Variants in LUZP1 observed in about 807,000 individuals in gnomAD.
LUZP1 encodes the protein leucine zipper protein 1, also known as filamin mechanobinding actin cross-linking protein.
LUZP1 carries 25 observed loss-of-function variants against 71.3 expected under a neutral mutation model. That is an observed-to-expected ratio of 0.35 (90% CI 0.26 to 0.49). LUZP1 has a LOEUF of 0.49. Ranked by LOEUF, LUZP1 falls within the 20% of genes least tolerant of loss-of-function variation. The pLI, the probability that LUZP1 is intolerant of heterozygous loss-of-function variation, is 0.99. For missense variants in LUZP1, 1,142 were observed against 1,300.8 expected, an observed-to-expected ratio of 0.88 and a Z score of 1.88; for synonymous variants, 481 against 506.4, an observed-to-expected ratio of 0.95 and a Z score of 0.67.
At chr1:23,130,937 G>A (rs1644210312) in intron 2 of LUZP1, among the ~76,000 whole-genome samples, 1 of 152,022 alleles carries the variant, frequency 6.6e-6, no homozygotes, top group African/African-American at 2.4e-5. Context: ...CTACCTGGGG[G>A]TTGGGCACAG....
chr1:23,085,279 C>CT (rs1401377973), exon 5 of LUZP1: 2 of 152,598 alleles, frequency 1.3e-5, no homozygotes, highest in Non-Finnish European at 2.9e-5. Flanking sequence ...TTGAGGGCTA[C>CT]TTTCTTAGCC....
At chr1:23,128,690 A>G (rs1427260278) in intron 2 of LUZP1, among the ~76,000 whole-genome samples, 5 of 152,366 alleles carry the variant, frequency 3.3e-5, no homozygotes, top group Admixed American at 1.3e-4. Context: ...TGGCACTATT[A>G]AGTCTCCAAT....
intron 2 of LUZP1, among the ~76,000 whole-genome samples, chr1:23,133,917 A>T (rs1490596660): frequency 1.3e-5 from 2 of 152,298 alleles, no homozygotes; most frequent in East Asian, 1.9e-4. Flanking sequence ...ACAAGAAAAC[A>T]ATCAGACAAA....
At chr1:23,107,609 T>A (rs370551874) in intron 3 of LUZP1, among the ~76,000 whole-genome samples, 2 of 152,172 alleles carry the variant, frequency 1.3e-5, no homozygotes, top group African/African-American at 4.8e-5. Context: ...AAGACCAGCC[T>A]GGCCAACATG....
chr1:23,163,188 C>T (rs1301793562), intron 2 of LUZP1, among the ~76,000 whole-genome samples: 1 of 142,768 alleles, frequency 7.0e-6, no homozygotes, highest in East Asian at 2.1e-4. Context: ...TGCAATGAGC[C>T]GAGATCACAC....
Position 23,092,152 on chromosome 1 carries a change from G to T in LUZP1, c.2110C>A (p.Leu704Ile), listed in dbSNP as rs746949709. The change falls in exon 4 of 5, where the codon CTA becomes ATA. Residue 704 changes from leucine to isoleucine, a missense_variant. Physicochemically the swap from Leu to Ile is conservative, Grantham distance 5 (BLOSUM62 2). Transcript: ENST00000302291. Reference sequence around the variant, plus strand: ...CCAGCATCTTTATCATTCTCAAATAGGGAGGTTCTAGGTGCCCCTCGGGTT... The same window carrying T: ...CCAGCATCTTTATCATTCTCAAATATGGAGGTTCTAGGTGCCCCTCGGGTT... 5.0e-6 allele frequency: 8 copies of T among 1,614,008 alleles called. No individual in the cohort carries two copies. Among genetic ancestry groups the T allele is most frequent in the Admixed American group, 1.7e-5 (1 of 59,994 alleles).
At chr1:23,098,941 C>T (rs574770885) in intron 3 of LUZP1, among the ~76,000 whole-genome samples, 2 of 152,324 alleles carry the variant, frequency 1.3e-5, no homozygotes, top group South Asian at 4.1e-4. Context: ...AAAACACCAA[C>T]GCTTGAAGGT....
intron 2 of LUZP1, among the ~76,000 whole-genome samples, chr1:23,127,796 T>G (rs1644183801): frequency 6.6e-6 from 1 of 152,120 alleles, no homozygotes; most frequent in Admixed American, 6.5e-5. Flanking sequence ...ATGCTGGAAT[T>G]ACAGGCGTGA....
chr1:23,098,635 C>T (rs535691317), intron 3 of LUZP1, among the ~76,000 whole-genome samples: 79 of 152,156 alleles, frequency 5.2e-4, no homozygotes, highest in African/African-American at 1.8e-3. Context: ...TGACTCAGGG[C>T]GTCGACAGAC....
chr1:23,141,661 T>A (rs1644304082), intron 2 of LUZP1, among the ~76,000 whole-genome samples: 1 of 152,036 alleles, frequency 6.6e-6, no homozygotes, highest in African/African-American at 2.4e-5. Flanking sequence ...TAACATAAAA[T>A]CATCTTGAAG....
At chr1:23,150,516 T>A (rs1364551544) in intron 2 of LUZP1, among the ~76,000 whole-genome samples, 1 of 152,104 alleles carries the variant, frequency 6.6e-6, no homozygotes, top group East Asian at 1.9e-4. Context: ...AGGACTTTGC[T>A]CACATTTGTG....
chr1:23,146,041 T>C (rs557000199), intron 2 of LUZP1, among the ~76,000 whole-genome samples: 1 of 152,088 alleles, frequency 6.6e-6, no homozygotes, highest in Non-Finnish European at 1.5e-5. Context: ...CACCACCATC[T>C]TTTTTTTCAA....
chr1:23,102,934 C>G (rs867749961), intron 3 of LUZP1, among the ~76,000 whole-genome samples: 1 of 151,708 alleles, frequency 6.6e-6, no homozygotes, highest in Non-Finnish European at 1.5e-5. Flanking sequence ...CATTTCATTT[C>G]ATTTGATTTC....
At chr1:23,154,796 C>T (rs1171426696) in intron 2 of LUZP1, among the ~76,000 whole-genome samples, 5 of 150,380 alleles carry the variant, frequency 3.3e-5, no homozygotes, top group African/African-American at 4.9e-5. Context: ...CCTCGTGATC[C>T]GCCCGCCTCA....
intron 2 of LUZP1, among the ~76,000 whole-genome samples, chr1:23,136,778 G>A (rs1282786589): frequency 3.3e-5 from 5 of 152,124 alleles, no homozygotes; most frequent in Admixed American, 1.3e-4. Flanking sequence ...GTAGCCGGGC[G>A]TGGTGGTGGG....
intron 2 of LUZP1, among the ~76,000 whole-genome samples, chr1:23,143,289 G>A (rs1360011578): frequency 6.6e-6 from 1 of 152,184 alleles, no homozygotes; most frequent in East Asian, 1.9e-4. Flanking sequence ...TTACAGGCAT[G>A]AGCCACCGTA....
intron 2 of LUZP1, among the ~76,000 whole-genome samples, chr1:23,165,098 G>T (rs35623043): frequency 0.17 from 26,415 of 151,736 alleles, 2,371 homozygotes; most frequent in East Asian, 0.27. Flanking sequence ...ATTAAATACC[G>T]AAGGTTTTCC....
At chr1:23,164,419 G>A (rs1437041062) in intron 2 of LUZP1, among the ~76,000 whole-genome samples, 1 of 151,578 alleles carries the variant, frequency 6.6e-6, no homozygotes, top group Non-Finnish European at 1.5e-5. Context: ...GTGAACCCGG[G>A]AGGCGGAGCT....
At chr1:23,128,703 C>CAG (rs1644191624) in intron 2 of LUZP1, among the ~76,000 whole-genome samples, 2 of 152,208 alleles carry the variant, frequency 1.3e-5, no homozygotes, top group African/African-American at 4.8e-5. Context: ...TCTCCAATAG[C>CAG]AGAGAACTGG....
Sources: gnomAD v4.1 joint callset for allele counts (sites outside exome capture counted in the v4.1 genomes callset) on GRCh38, gnomAD v4.1.1 for gene constraint, MANE v1.5 for transcripts, NCBI Gene and HGNC (gene_info 2026-07-23, HGNC 2026-07-21) for gene names.